Variants in TUSC3 observed in about 807,000 individuals in gnomAD.
The protein encoded by TUSC3 is tumor suppressor candidate 3.
TUSC3 carries 45 observed loss-of-function variants against 44.8 expected under a neutral mutation model. The observed-to-expected ratio is 1.00, with a 90% CI of 0.79 to 1.29. The LOEUF is 1.29. Ranked by LOEUF, TUSC3 falls within the 50% of genes most tolerant of loss-of-function variation. TUSC3 has a pLI of 0.00. For synonymous variants in TUSC3, 212 were observed against 152.9 expected (o/e 1.39, Z -2.85); for missense variants, 519 against 437.9 (o/e 1.19, Z -1.65).
chr8:15,504,602 TATATATATATATATATATA>T lies in TUSC3; in HGVS notation n.189+21120_189+21138del, dbSNP rs1200052467. Among the ~76,000 whole-genome samples, 139 of 42,814 alleles carry T rather than the reference TATATATATATATATATATA, an allele frequency of 3.2e-3. 4 individuals are homozygous for T. Among genetic ancestry groups the T allele is most frequent in the East Asian group, 0.016 (26 of 1,584 alleles). 28.1% of individuals were successfully genotyped at this position (42,814 alleles called of 152,430 possible). A position where few individuals can be genotyped will look rare whatever the true frequency, so the allele number is the denominator to read the frequency against. On this transcript the variant is annotated intron_variant and non_coding_transcript_variant, in intron 2 of 5. Coordinates refer to the TUSC3 transcript ENST00000503191. ...GGATATATATATATATATATATATA[TATATATATATATATATATA>T]TTTTTTTTTTTTTTTTTTTTTAAGT...
chr8:15,690,994 T>C (rs1334703606), intron 6 of TUSC3, among the ~76,000 whole-genome samples: 1 of 91,860 alleles, frequency 1.1e-5, no homozygotes, highest in Non-Finnish European at 2.8e-5. Flanking sequence ...GGCTATTTTT[T>C]GGTTCCATAT....
rs542144186 is a variant in TUSC3, at chr8:15,500,912, A to G, written n.189+17429A>G. ...TTTAACCTTTTTCAAGAGCAACCAA[A>G]CATAATAACTTTAAATTCTTACAAG... On this transcript the variant is annotated intron_variant and non_coding_transcript_variant, in intron 2 of 5. Transcript: ENST00000503191. 2.6e-5 allele frequency among the ~76,000 whole-genome samples: 4 copies of G among 152,294 alleles called. No individual in the cohort carries two copies. In the South Asian group the frequency reaches 6.2e-4, roughly 24 times the overall value.
chr8:15,570,890 T>C (rs1474487566), intron 1 of TUSC3, among the ~76,000 whole-genome samples: 1 of 150,988 alleles, frequency 6.6e-6, no homozygotes, highest in African/African-American at 2.4e-5. Flanking sequence ...GTTCAAAATA[T>C]ATATTTGATC....
intron 2 of TUSC3, among the ~76,000 whole-genome samples, chr8:15,631,657 G>C (rs1805767889): frequency 6.8e-6 from 1 of 146,226 alleles, no homozygotes; most frequent in African/African-American, 2.5e-5. Context: ...CATCTCTTGA[G>C]TTTAAGGCTG....
chr8:15,696,486 G>A (rs1809171603), intron 6 of TUSC3, among the ~76,000 whole-genome samples: 1 of 152,184 alleles, frequency 6.6e-6, no homozygotes, highest in Non-Finnish European at 1.5e-5. Context: ...GAAGGGAAAT[G>A]TGGGGTCAAA....
chr8:15,569,156 T>C (rs542431703), intron 1 of TUSC3, among the ~76,000 whole-genome samples: 5 of 152,272 alleles, frequency 3.3e-5, no homozygotes, highest in African/African-American at 1.2e-4. Context: ...TTATTTATAG[T>C]CTTATAATTG....
chr8:15,496,149 T>A (rs1197156894), intron 2 of TUSC3, among the ~76,000 whole-genome samples: 1 of 152,200 alleles, frequency 6.6e-6, no homozygotes, highest in African/African-American at 2.4e-5. Flanking sequence ...CCATGTTCTA[T>A]ACGTCCTTGA....
rs890003701 is a variant in TUSC3, at chr8:15,656,658, A to G, written c.427-2849A>G. Among the ~76,000 whole-genome samples, 3 of 149,564 alleles carry G rather than the reference A, an allele frequency of 2.0e-5. No homozygotes were observed. The East Asian group carries it at 5.8e-4, about 29-fold the overall frequency. On this transcript the variant is annotated intron_variant, in intron 3 of 10. Coordinates refer to ENST00000503731, the MANE Select transcript of TUSC3 (RefSeq NM_006765.4). ...GCTCTCCCAGGCCCAAGCCCACGCA[A>G]CAGCTCTCCCAGGCTGGTGTTGCAT...
chr8:15,426,881 A>G (rs1799810076), intron 1 of TUSC3, among the ~76,000 whole-genome samples: 1 of 152,180 alleles, frequency 6.6e-6, no homozygotes, highest in African/African-American at 2.4e-5. Context: ...CATTTTCTAC[A>G]TCCTTTCAAA....
chr8:15,418,021 C>T (rs369586231), intron 1 of TUSC3, among the ~76,000 whole-genome samples: 2 of 152,166 alleles, frequency 1.3e-5, no homozygotes, highest in African/African-American at 2.4e-5. Context: ...AAAACAAAAG[C>T]TTCCCAGGTT....
At chr8:15,435,128 TTGAAC>T (rs1374881892) in intron 1 of TUSC3, among the ~76,000 whole-genome samples, 1 of 146,536 alleles carries the variant, frequency 6.8e-6, no homozygotes, top group African/African-American at 2.7e-5. Flanking sequence ...TCCACAATGG[TTGAAC>T]TAGTTTACAG....
At chr8:15,673,200 C>A (rs551758658) in intron 5 of TUSC3, among the ~76,000 whole-genome samples, 1 of 152,060 alleles carries the variant, frequency 6.6e-6, no homozygotes, top group South Asian at 2.1e-4. Context: ...GCGAGTTATT[C>A]CTGGCTATGT....
intron 2 of TUSC3, among the ~76,000 whole-genome samples, chr8:15,641,863 G>C (rs1022585968): frequency 6.6e-6 from 1 of 152,128 alleles, no homozygotes; most frequent in Non-Finnish European, 1.5e-5. Context: ...GTATCTAAAG[G>C]CCTTGCCAAA....
the TUSC3 span, among the ~76,000 whole-genome samples, chr8:15,826,898 G>A: frequency 6.6e-6 from 1 of 152,126 alleles, no homozygotes. Context: ...GAGCTGGGTT[G>A]GGAACAGGGA....
downstream of TUSC3, among the ~76,000 whole-genome samples, chr8:15,771,595 G>A (rs370460777): frequency 2.0e-4 from 31 of 152,204 alleles, no homozygotes; most frequent in African/African-American, 7.0e-4. Context: ...ACTCTACAGT[G>A]TATAAATAAA....
downstream of TUSC3, among the ~76,000 whole-genome samples, chr8:15,768,007 A>C (rs1812374934): frequency 6.6e-6 from 1 of 152,194 alleles, no homozygotes. Context: ...AGAAGATTCT[A>C]AGCTTTCACA....
the TUSC3 span, among the ~76,000 whole-genome samples, chr8:15,827,523 A>G: frequency 6.6e-6 from 1 of 152,184 alleles, no homozygotes; most frequent in Non-Finnish European, 1.5e-5. Flanking sequence ...TGGTTAGCTT[A>G]ATGGAAGTAA....
In TUSC3 at chr8:15,696,446, G is replaced by A. The variant is rs116758917; in HGVS notation, c.798+22610G>A. ...AGCAGAAGTTTGATGCAGGGGTGGG[G>A]CACTCAAGAACCTCTGCTAGAGCAC... On this transcript the variant is annotated intron_variant, in intron 6 of 10. Transcript: ENST00000503731. Among the ~76,000 whole-genome samples, 363 of 152,306 alleles carry A rather than the reference G, an allele frequency of 2.4e-3. 2 individuals are homozygous for A. The highest frequency in any genetic ancestry group is 8.3e-3 in the African/African-American group (344 of 41,574).
intron 2 of TUSC3, among the ~76,000 whole-genome samples, chr8:15,639,245 GTGA>G (rs750355630): frequency 4.7e-5 from 7 of 148,596 alleles, no homozygotes; most frequent in Non-Finnish European, 8.9e-5. Flanking sequence ...CAGCGCTTCA[GTGA>G]TGATCATGTG....
Sources: allele counts gnomAD v4.1 joint callset (sites outside exome capture counted in the v4.1 genomes callset), GRCh38; gene constraint gnomAD v4.1.1; transcripts MANE v1.5; gene names NCBI Gene and HGNC (gene_info 2026-07-23, HGNC 2026-07-21).